SORBS2: variants seen among roughly 807,000 people sequenced by gnomAD.
The protein encoded by SORBS2 is sorbin and SH3 domain containing 2.
In SORBS2, 46 loss-of-function variants were observed where a neutral mutation model predicts 97.7. That is an observed-to-expected ratio of 0.47 (90% CI 0.37 to 0.60). SORBS2 has a LOEUF of 0.60. Among genes scored for constraint, SORBS2 ranks in the 20% least tolerant of loss-of-function variants. The pLI is 0.00. For synonymous variants in SORBS2, 476 were observed against 473.4 expected (o/e 1.01, Z -0.07); for missense variants, 1,316 against 1,282.3 (o/e 1.03, Z -0.40).
At chr4:185,602,046 C>T (rs2096273828) in intron 12 of SORBS2, among the ~76,000 whole-genome samples, 1 of 152,098 alleles carries the variant, frequency 6.6e-6, no homozygotes, top group Admixed American at 6.5e-5. Context: ...GAGTCTCGCT[C>T]TGTTGCCAGG....
chr4:185,649,513 G>A (rs2097273958), exon 3 of SORBS2: 1 of 1,603,252 alleles, frequency 6.2e-7, no homozygotes, highest in South Asian at 1.1e-5. Context: ...GGGACTGGAG[G>A]TGGAACATGT....
rs538996839 is a variant in SORBS2, at chr4:185,746,382, T to C, written c.-198+28845A>G. 3.2e-4 allele frequency among the ~76,000 whole-genome samples: 49 copies of C among 152,258 alleles called. No individual in the cohort carries two copies. The Middle Eastern group carries it at 0.014, about 43-fold the overall frequency. The stretch of plus-strand genomic sequence containing the variant: ...CCCAGGCTGCAGGGCAGTGGCACCA[T>C]CTTGGCTCGCTGCAACCTCCGCGTC... On this transcript the variant is annotated intron_variant, in intron 2 of 20. Coordinates refer to the SORBS2 transcript ENST00000284776.
intron 1 of SORBS2, among the ~76,000 whole-genome samples, chr4:185,855,416 A>G (rs1205884943): frequency 6.6e-6 from 1 of 152,138 alleles, no homozygotes; most frequent in Non-Finnish European, 1.5e-5. Flanking sequence ...AACAGCACAT[A>G]GCAGACATAG....
intron 2 of SORBS2, among the ~76,000 whole-genome samples, chr4:185,747,060 G>A (rs2098766187): frequency 6.6e-6 from 1 of 152,114 alleles, no homozygotes; most frequent in Non-Finnish European, 1.5e-5. Flanking sequence ...TCCAGCCTGG[G>A]CAACAGTGTG....
At chr4:185,739,482 T>A (rs1440093298) in intron 2 of SORBS2, among the ~76,000 whole-genome samples, 1 of 152,168 alleles carries the variant, frequency 6.6e-6, no homozygotes. Context: ...TGTAAGTAAA[T>A]CTACTATAAG....
chr4:185,672,770 C>T (rs895892108), intron 4 of SORBS2, among the ~76,000 whole-genome samples: 2 of 152,134 alleles, frequency 1.3e-5, no homozygotes, highest in South Asian at 4.1e-4. Context: ...TTCCTGGGAG[C>T]CTAATTCTTT....
At chr4:185,797,940 T>C (rs2099113256) in intron 1 of SORBS2, among the ~76,000 whole-genome samples, 1 of 152,222 alleles carries the variant, frequency 6.6e-6, no homozygotes, top group African/African-American at 2.4e-5. Context: ...AGTCACACTC[T>C]ACTCTGTGCC....
At position 185,598,662 on chromosome 4, in the gene SORBS2, C is replaced by CT. The variant is rs1297964748; in HGVS notation, c.2797-4728dup. Among the ~76,000 whole-genome samples the CT allele has an allele frequency of 3.9e-5, 6 of 152,142 alleles. No homozygotes were observed. In the South Asian group the frequency reaches 6.2e-4, roughly 16 times the overall value. On this transcript the variant is annotated intron_variant, in intron 12 of 14. Transcript: ENST00000418609. ...ATAAGCAGTGCTAAAGTGTTTTTAT[C>CT]TTTTTTTATAAAATATTAGTTGTCA... is the stretch of plus-strand genomic sequence containing the variant.
intron 1 of SORBS2, among the ~76,000 whole-genome samples, chr4:185,899,143 T>C (rs953445910): frequency 2.0e-5 from 3 of 152,172 alleles, no homozygotes; most frequent in African/African-American, 7.2e-5. Context: ...GAGAAAGAGA[T>C]GGTGCTGCCC....
chr4:185,915,546 G>A (rs1462104677), intron 1 of SORBS2, among the ~76,000 whole-genome samples: 1 of 152,156 alleles, frequency 6.6e-6, no homozygotes, highest in East Asian at 1.9e-4. Context: ...GCAGACGTTT[G>A]ACATCTATTT....
chr4:185,904,152 T>C (rs541073836), intron 1 of SORBS2, among the ~76,000 whole-genome samples: 1 of 152,242 alleles, frequency 6.6e-6, no homozygotes, highest in Admixed American at 6.5e-5. Flanking sequence ...ATTTAACTTA[T>C]GGATGTATAA....
intron 1 of SORBS2, among the ~76,000 whole-genome samples, chr4:185,929,848 A>C (rs998488690): frequency 6.6e-6 from 1 of 152,128 alleles, no homozygotes; most frequent in African/African-American, 2.4e-5. Context: ...AGAGATTTTT[A>C]AAAGCCTGAT....
chr4:185,851,310 T>C (rs2099217768), intron 1 of SORBS2, among the ~76,000 whole-genome samples: 1 of 152,104 alleles, frequency 6.6e-6, no homozygotes, highest in Non-Finnish European at 1.5e-5. Flanking sequence ...AGACCATGAT[T>C]TGGTGTTTAC....
At chr4:185,595,396 A>G (rs1032284887) in intron 12 of SORBS2, among the ~76,000 whole-genome samples, 12 of 152,178 alleles carry the variant, frequency 7.9e-5, no homozygotes, top group Non-Finnish European at 4.4e-5. Flanking sequence ...TATTTTAAGA[A>G]AAATTATGAC....
intron 1 of SORBS2, among the ~76,000 whole-genome samples, chr4:185,851,247 C>T (rs1219516116): frequency 1.3e-5 from 2 of 152,142 alleles, no homozygotes; most frequent in Non-Finnish European, 2.9e-5. Context: ...TTGTTAAACT[C>T]GGAAAACCTG....
chr4:185,803,665 T>A (rs1345394171), intron 1 of SORBS2, among the ~76,000 whole-genome samples: 3 of 152,224 alleles, frequency 2.0e-5, no homozygotes, highest in South Asian at 2.1e-4. Context: ...AAGATTTTTT[T>A]AATTAAAAAA....
At chr4:185,739,493 C>T (rs926576823) in intron 2 of SORBS2, among the ~76,000 whole-genome samples, 14 of 152,182 alleles carry the variant, frequency 9.2e-5, no homozygotes, top group South Asian at 4.2e-4. Context: ...CTACTATAAG[C>T]GAAAAGCATT....
At chr4:185,678,312 C>A in intron 4 of SORBS2, 111 bp downstream of exon 7, 2 of 959,956 alleles carry the variant, frequency 2.1e-6, no homozygotes, top group East Asian at 3.1e-5. Flanking sequence ...AAAGCAAAAA[C>A]ATATTAAAAA....
intron 2 of SORBS2, among the ~76,000 whole-genome samples, chr4:185,750,104 G>A (rs1279866475): frequency 2.0e-5 from 3 of 152,214 alleles, no homozygotes; most frequent in South Asian, 2.1e-4. Context: ...AAAGCTGGAC[G>A]CCGGAGTGTC....
Sources: gnomAD v4.1 joint callset for allele counts (sites outside exome capture counted in the v4.1 genomes callset) on GRCh38, gnomAD v4.1.1 for gene constraint, MANE v1.5 for transcripts, NCBI Gene and HGNC (gene_info 2026-07-23, HGNC 2026-07-21) for gene names.